Variants in ROBO1 observed in about 807,000 individuals in gnomAD.
ROBO1 encodes roundabout guidance receptor 1, also known as roundabout homolog 1.
ROBO1 carries 149 observed loss-of-function variants against 195.9 expected under a neutral mutation model. The ratio of observed to expected loss-of-function variants is 0.76; its 90% CI spans 0.67 to 0.87. ROBO1 has a LOEUF of 0.87. Ranked by LOEUF, ROBO1 falls within the 40% of genes least tolerant of loss-of-function variation. The pLI is 0.00. For missense variants in ROBO1, 1,933 were observed against 2,068.3 expected, an observed-to-expected ratio of 0.93 and a Z score of 1.27; for synonymous variants, 816 against 733.2, an observed-to-expected ratio of 1.11 and a Z score of -1.82.
rs538414228 is a variant in ROBO1 at position 79,591,292 on chromosome 3, G to A, written c.-50-1331C>T. 2.3e-3 allele frequency among the ~76,000 whole-genome samples: 346 copies of A among 151,920 alleles called. 2 individuals carry two copies. Among genetic ancestry groups the A allele is most frequent in the African/African-American group, 8.0e-3 (332 of 41,506 alleles). On this transcript the variant is annotated intron_variant, in intron 1 of 30. Coordinates refer to ENST00000464233, the MANE Select transcript of ROBO1 (RefSeq NM_002941.4). The stretch of plus-strand genomic sequence containing the variant: ...TATTGCTGTAGGTTAACTGGACATA[G>A]CTATTTTGTCTATTTGAGTTGAGCT...
At chr3:78,826,985 A>G (rs1346426171) in intron 4 of ROBO1, among the ~76,000 whole-genome samples, 1 of 152,162 alleles carries the variant, frequency 6.6e-6, no homozygotes, top group Admixed American at 6.6e-5. Flanking sequence ...ACATACTTAT[A>G]CGTACTTAAA....
At chr3:78,911,505 T>A (rs1327968591) in intron 4 of ROBO1, among the ~76,000 whole-genome samples, 2 of 152,026 alleles carry the variant, frequency 1.3e-5, no homozygotes, top group Non-Finnish European at 2.9e-5. Flanking sequence ...TTTATAGATA[T>A]GAACTGTATT....
chr3:79,418,484 C>T (rs75873009), intron 2 of ROBO1, among the ~76,000 whole-genome samples: 1 of 152,108 alleles, frequency 6.6e-6, no homozygotes, highest in East Asian at 1.9e-4. Context: ...GCCATGATTT[C>T]CTCCACTCTT....
chr3:79,365,590 G>T (rs977956137), intron 2 of ROBO1, among the ~76,000 whole-genome samples: 3 of 151,962 alleles, frequency 2.0e-5, no homozygotes, highest in Non-Finnish European at 2.9e-5. Flanking sequence ...TTAACTCTCC[G>T]TGTTAAAACG....
intron 3 of ROBO1, among the ~76,000 whole-genome samples, chr3:78,942,893 C>T (rs2040213878): frequency 6.6e-6 from 1 of 152,028 alleles, no homozygotes; most frequent in Non-Finnish European, 1.5e-5. Flanking sequence ...GCCTGGGCAA[C>T]ATAGTGAGAC....
chr3:79,138,902 T>C (rs562980472), intron 2 of ROBO1, among the ~76,000 whole-genome samples: 1 of 151,872 alleles, frequency 6.6e-6, no homozygotes, highest in Non-Finnish European at 1.5e-5. Context: ...AGGCTGCTCT[T>C]GAAATTAAAG....
chr3:79,250,637 G>T (rs1365754430), intron 2 of ROBO1, among the ~76,000 whole-genome samples: 1 of 151,918 alleles, frequency 6.6e-6, no homozygotes, highest in Non-Finnish European at 1.5e-5. Flanking sequence ...TTTACACAAT[G>T]ATTATATTGG....
At chr3:79,162,283 A>T (rs2108667402) in intron 2 of ROBO1, among the ~76,000 whole-genome samples, 1 of 152,188 alleles carries the variant, frequency 6.6e-6, no homozygotes, top group Non-Finnish European at 1.5e-5. Context: ...AGCTTAGAAG[A>T]TATAGCATCC....
intron 3 of ROBO1, among the ~76,000 whole-genome samples, chr3:79,060,605 A>G (rs2078899021): frequency 6.6e-6 from 1 of 152,054 alleles, no homozygotes; most frequent in African/African-American, 2.4e-5. Flanking sequence ...ATAATAAAAT[A>G]TGGGCAAACT....
chr3:78,959,737 C>T (rs930978992), intron 3 of ROBO1, among the ~76,000 whole-genome samples: 1 of 152,114 alleles, frequency 6.6e-6, no homozygotes, highest in African/African-American at 2.4e-5. Flanking sequence ...AGATATATGC[C>T]ATCTAAAAAC....
At chr3:79,647,546 G>A (rs1945867154) in intron 1 of ROBO1, among the ~76,000 whole-genome samples, 1 of 151,962 alleles carries the variant, frequency 6.6e-6, no homozygotes, top group South Asian at 2.1e-4. Context: ...GGTAAAGTAC[G>A]GAGACATTTT....
chr3:79,589,074 T>C (rs1321989497), intron 2 of ROBO1, among the ~76,000 whole-genome samples: 1 of 151,714 alleles, frequency 6.6e-6, no homozygotes, highest in Non-Finnish European at 1.5e-5. Flanking sequence ...TATTCTTTTA[T>C]GAATAACTTG....
intron 2 of ROBO1, among the ~76,000 whole-genome samples, chr3:79,572,399 G>A (rs1943308219): frequency 6.6e-6 from 1 of 151,888 alleles, no homozygotes; most frequent in Non-Finnish European, 1.5e-5. Context: ...CATAATTATA[G>A]AAATGTTAAA....
chr3:79,506,664 C>G (rs568022186), intron 2 of ROBO1, among the ~76,000 whole-genome samples: 1 of 152,168 alleles, frequency 6.6e-6, no homozygotes, highest in East Asian at 1.9e-4. Context: ...AGGATGGTCT[C>G]GATCTCCTGA....
chr3:79,680,912 CAG>C (rs1281248101), intron 1 of ROBO1, among the ~76,000 whole-genome samples: 2 of 151,776 alleles, frequency 1.3e-5, no homozygotes, highest in African/African-American at 2.4e-5. Flanking sequence ...AAATGGTGGT[CAG>C]AGAGTGAGAT....
At chr3:78,616,021 G>A (rs949358872) in intron 27 of ROBO1, among the ~76,000 whole-genome samples, 1 of 152,104 alleles carries the variant, frequency 6.6e-6, no homozygotes, top group African/African-American at 2.4e-5. Context: ...CTATGATGGA[G>A]ACTATTACAA....
chr3:79,240,228 T>G lies in ROBO1; in HGVS notation c.89-114689A>C, dbSNP rs116085795. ...ACATAAAAGTAAAATCTCACGGTAT[T>G]TGTCTTTCTGTGCCTGGCTTATTTT... On this transcript the variant is annotated intron_variant, in intron 2 of 30. Transcript: ENST00000464233. Among the ~76,000 whole-genome samples, 689 of 152,286 alleles carry G rather than the reference T, an allele frequency of 4.5e-3. 3 individuals carry two copies. Among genetic ancestry groups the G allele is most frequent in the African/African-American group, 0.014 (573 of 41,566 alleles).
intron 2 of ROBO1, among the ~76,000 whole-genome samples, chr3:79,440,914 A>T (rs566343572): frequency 6.6e-6 from 1 of 152,274 alleles, no homozygotes; most frequent in African/African-American, 2.4e-5. Flanking sequence ...ATTTTCATAG[A>T]CATGCAAGCA....
chr3:79,445,478 ATTGTTTTT>A (rs2039214413), intron 2 of ROBO1, among the ~76,000 whole-genome samples: 1 of 128,656 alleles, frequency 7.8e-6, no homozygotes, highest in African/African-American at 2.9e-5. Context: ...CAATACAGAA[ATTGTTTTT>A]TTTTTTTTTT....
Sources: allele counts gnomAD v4.1 joint callset (sites outside exome capture counted in the v4.1 genomes callset), GRCh38; gene constraint gnomAD v4.1.1; transcripts MANE v1.5; gene names NCBI Gene and HGNC (gene_info 2026-07-23, HGNC 2026-07-21).